Variants in NKAIN2 observed in about 807,000 individuals in gnomAD.
The protein encoded by NKAIN2 is sodium/potassium transporting ATPase interacting 2.
In NKAIN2, 14 loss-of-function variants were observed where a neutral mutation model predicts 32.6. The observed-to-expected ratio is 0.43, with a 90% CI of 0.28 to 0.67. The LOEUF (loss-of-function observed/expected upper bound fraction) is 0.67. Ranked by LOEUF, NKAIN2 falls within the 30% of genes least tolerant of loss-of-function variation. The pLI, the probability that NKAIN2 is intolerant of heterozygous loss-of-function variation, is 0.17. For missense variants in NKAIN2, 198 were observed against 258.3 expected (o/e 0.77, Z 1.60); for synonymous variants, 80 against 87.2 (o/e 0.92, Z 0.46).
At chr6:124,092,794 C>G (rs1410768364) in intron 1 of NKAIN2, among the ~76,000 whole-genome samples, 1 of 151,928 alleles carries the variant, frequency 6.6e-6, no homozygotes, top group Non-Finnish European at 1.5e-5. Flanking sequence ...AGTAAATTAT[C>G]AAGAACTAGA....
intron 3 of NKAIN2, among the ~76,000 whole-genome samples, chr6:124,385,222 A>G (rs1397692396): frequency 2.0e-5 from 3 of 152,184 alleles, no homozygotes; most frequent in Non-Finnish European, 2.9e-5. Flanking sequence ...TGGACATTTA[A>G]AGGCCAATTG....
intron 1 of NKAIN2, among the ~76,000 whole-genome samples, chr6:124,098,912 GT>G (rs1784758240): frequency 6.6e-6 from 1 of 151,926 alleles, no homozygotes; most frequent in South Asian, 2.1e-4. Flanking sequence ...AACAAAGTGT[GT>G]TTTCCCCCTT....
At chr6:124,075,250 T>A (rs1264312199) in intron 1 of NKAIN2, among the ~76,000 whole-genome samples, 1 of 152,134 alleles carries the variant, frequency 6.6e-6, no homozygotes, top group Non-Finnish European at 1.5e-5. Flanking sequence ...GAGTTATGTG[T>A]CCCAGATAGA....
At chr6:123,882,711 A>G (rs1773508151) in intron 1 of NKAIN2, among the ~76,000 whole-genome samples, 1 of 152,216 alleles carries the variant, frequency 6.6e-6, no homozygotes, top group Non-Finnish European at 1.5e-5. Flanking sequence ...GATAACTGGA[A>G]TTTTACAGCA....
chr6:124,440,749 G>A (rs1018859470), intron 3 of NKAIN2, among the ~76,000 whole-genome samples: 8 of 151,928 alleles, frequency 5.3e-5, no homozygotes, highest in African/African-American at 1.9e-4. Flanking sequence ...TAAGTTACTG[G>A]GCAAAACCTA....
chr6:124,297,128 T>C (rs1204112666), intron 2 of NKAIN2, among the ~76,000 whole-genome samples: 1 of 152,178 alleles, frequency 6.6e-6, no homozygotes, highest in Non-Finnish European at 1.5e-5. Context: ...AAAACTGTTA[T>C]ACATACTGTT....
In NKAIN2 at chr6:124,196,027, C is replaced by T. The variant is rs546906928; in HGVS notation, c.55-86978C>T. The stretch of plus-strand genomic sequence containing the variant: ...TGTTCACTCTTTAATTGAAGATATG[C>T]AAATATCTACCACTAAAAACAATTA... On this transcript the variant is annotated intron_variant, in intron 1 of 6. Coordinates refer to ENST00000368417, the MANE Select transcript of NKAIN2 (RefSeq NM_001040214.3). 6.0e-4 allele frequency among the ~76,000 whole-genome samples: 92 copies of T among 152,144 alleles called. 1 individual carries two copies. The highest frequency in any genetic ancestry group is 1.1e-3 in the Non-Finnish European group (74 of 67,924).
chr6:124,658,446 G>A (rs750768778), intron 4 of NKAIN2, 60 bp downstream of exon 4: 36 of 1,612,488 alleles, frequency 2.2e-5, no homozygotes, highest in Non-Finnish European at 2.8e-5. Flanking sequence ...ATTTCTGTGC[G>A]AACTCAGTGC....
chr6:124,412,721 G>A (rs1209702908), intron 3 of NKAIN2, among the ~76,000 whole-genome samples: 4 of 152,206 alleles, frequency 2.6e-5, no homozygotes, highest in African/African-American at 4.8e-5. Flanking sequence ...GGACATTTAA[G>A]TCTGCAGAGG....
At chr6:124,741,071 A>G (rs369383268) in intron 4 of NKAIN2, among the ~76,000 whole-genome samples, 1 of 151,916 alleles carries the variant, frequency 6.6e-6, no homozygotes, top group Admixed American at 6.6e-5. Context: ...AAAGACAGAA[A>G]TCAAGGAGAA....
At chr6:123,852,584 A>G (rs779920798) in intron 1 of NKAIN2, among the ~76,000 whole-genome samples, 1 of 152,210 alleles carries the variant, frequency 6.6e-6, no homozygotes. Flanking sequence ...ATTATTCACA[A>G]TAGCCATAAT....
intron 3 of NKAIN2, among the ~76,000 whole-genome samples, chr6:124,581,460 A>G (rs1182435642): frequency 1.3e-5 from 2 of 151,014 alleles, no homozygotes; most frequent in South Asian, 2.1e-4. Context: ...AAAAAAAAAA[A>G]AAAAAAAAAA....
chr6:124,800,569 A>G (rs1255860083), intron 5 of NKAIN2, among the ~76,000 whole-genome samples: 1 of 152,234 alleles, frequency 6.6e-6, no homozygotes, highest in African/African-American at 2.4e-5. Context: ...GAAGACAAAA[A>G]TCAGTGATGG....
At chr6:123,885,204 G>T (rs1011496234) in intron 1 of NKAIN2, among the ~76,000 whole-genome samples, 7 of 152,000 alleles carry the variant, frequency 4.6e-5, no homozygotes, top group African/African-American at 1.7e-4. Flanking sequence ...TCTTCTTTCT[G>T]AACAATGTCA....
chr6:124,115,861 G>A (rs1785585825), intron 1 of NKAIN2, among the ~76,000 whole-genome samples: 1 of 151,994 alleles, frequency 6.6e-6, no homozygotes, highest in African/African-American at 2.4e-5. Context: ...GTGATATGTA[G>A]CAATTAAAAA....
chr6:124,394,496 T>C (rs933913016), intron 3 of NKAIN2, among the ~76,000 whole-genome samples: 2 of 149,488 alleles, frequency 1.3e-5, no homozygotes, highest in African/African-American at 4.9e-5. Flanking sequence ...GATAGATAGA[T>C]AGATAGATAG....
chr6:124,779,285 A>AGAGAGGG (rs1779138164), intron 4 of NKAIN2, among the ~76,000 whole-genome samples: 6 of 75,350 alleles, frequency 8.0e-5, no homozygotes, highest in Non-Finnish European at 1.3e-4. Context: ...GAGAGAGAGG[A>AGAGAGGG]AGGCAGGAAG....
chr6:124,319,321 G>A (rs564596987), intron 2 of NKAIN2, among the ~76,000 whole-genome samples: 17 of 152,094 alleles, frequency 1.1e-4, no homozygotes, highest in East Asian at 3.9e-4. Flanking sequence ...TTCAAATTTG[G>A]AGAAAACGCA....
At chr6:123,928,625 C>T (rs1168231243) in intron 1 of NKAIN2, among the ~76,000 whole-genome samples, 3 of 152,042 alleles carry the variant, frequency 2.0e-5, no homozygotes, top group African/African-American at 7.2e-5. Context: ...GCAATACATG[C>T]CTCTTTAAAG....
Sources: allele counts gnomAD v4.1 joint callset (sites outside exome capture counted in the v4.1 genomes callset), GRCh38; gene constraint gnomAD v4.1.1; transcripts MANE v1.5; gene names NCBI Gene and HGNC (gene_info 2026-07-23, HGNC 2026-07-21).